MAST4: variants seen among roughly 807,000 people sequenced by gnomAD.
MAST4 encodes microtubule associated serine/threonine kinase family member 4.
In MAST4, 89 loss-of-function variants were observed where a neutral mutation model predicts 162.7. That is an observed-to-expected ratio of 0.55 (90% CI 0.46 to 0.65). The LOEUF (loss-of-function observed/expected upper bound fraction) is 0.65. Ranked by LOEUF, MAST4 falls within the 30% of genes least tolerant of loss-of-function variation. The pLI, the probability that MAST4 is intolerant of heterozygous loss-of-function variation, is 0.00. For missense variants in MAST4, 3,153 were observed against 3,374.0 expected (o/e 0.93, Z 1.62); for synonymous variants, 1,479 against 1,361.1 (o/e 1.09, Z -1.91).
intron 1 of MAST4, among the ~76,000 whole-genome samples, chr5:66,641,938 G>T (rs934591685): frequency 6.6e-6 from 1 of 152,044 alleles, no homozygotes; most frequent in Non-Finnish European, 1.5e-5. Flanking sequence ...TTGCACCTCC[G>T]GATGATGAAT....
intron 1 of MAST4, among the ~76,000 whole-genome samples, chr5:66,676,879 A>G (rs1436262429): frequency 1.3e-5 from 2 of 152,266 alleles, no homozygotes; most frequent in African/African-American, 2.4e-5. Context: ...ACTTTAAAAG[A>G]TATAAACAAG....
At chr5:66,606,647 C>T (rs796125397) in intron 1 of MAST4, among the ~76,000 whole-genome samples, 11 of 152,268 alleles carry the variant, frequency 7.2e-5, no homozygotes, top group African/African-American at 2.6e-4. Flanking sequence ...ACAGCCTTTT[C>T]TCATATTGCC....
At chr5:66,724,818 G>A (rs1002464321) in intron 1 of MAST4, among the ~76,000 whole-genome samples, 3 of 151,978 alleles carry the variant, frequency 2.0e-5, no homozygotes, top group Non-Finnish European at 2.9e-5. Context: ...TATAATATAT[G>A]TGGGCTGTGG....
intron 1 of MAST4, among the ~76,000 whole-genome samples, chr5:66,702,167 C>T (rs1749821920): frequency 1.3e-5 from 2 of 152,302 alleles, no homozygotes; most frequent in African/African-American, 4.8e-5. Context: ...ATGGGAGCAT[C>T]GGCTGCTGGA....
chr5:66,771,003 C>G (rs1455789394), intron 2 of MAST4, among the ~76,000 whole-genome samples: 1 of 152,130 alleles, frequency 6.6e-6, no homozygotes, highest in Admixed American at 6.5e-5. Flanking sequence ...AAACCATTAT[C>G]AGCTGCAAAA....
intron 4 of MAST4, among the ~76,000 whole-genome samples, chr5:67,037,771 GACA>G (rs1756200911): frequency 6.6e-6 from 1 of 152,040 alleles, no homozygotes; most frequent in Admixed American, 6.6e-5. Context: ...TCAAGGCTTT[GACA>G]ACAAGAGCCA....
At chr5:66,953,427 T>C (rs1239024584) in intron 4 of MAST4, among the ~76,000 whole-genome samples, 4 of 152,120 alleles carry the variant, frequency 2.6e-5, no homozygotes, top group Admixed American at 2.6e-4. Context: ...TAAGCAGTGG[T>C]GAAGCTTATT....
intron 1 of MAST4, among the ~76,000 whole-genome samples, chr5:66,726,285 G>T (rs954523995): frequency 3.3e-5 from 5 of 152,048 alleles, no homozygotes; most frequent in Admixed American, 6.6e-5. Context: ...GGGGGCAGGA[G>T]AGCAGAGAGA....
chr5:66,856,811 A>G (rs1759719078), intron 3 of MAST4, among the ~76,000 whole-genome samples: 1 of 152,350 alleles, frequency 6.6e-6, no homozygotes, highest in South Asian at 2.1e-4. Flanking sequence ...ATTGACCTGG[A>G]CAAGAATTAT....
At chr5:67,025,651 T>C (rs936920309) in intron 4 of MAST4, among the ~76,000 whole-genome samples, 2 of 152,266 alleles carry the variant, frequency 1.3e-5, no homozygotes, top group East Asian at 3.9e-4. Context: ...GGGGATGTTA[T>C]ACAAAAAAAG....
chr5:67,057,158 A>G (rs1189212987), intron 5 of MAST4, among the ~76,000 whole-genome samples: 2 of 152,186 alleles, frequency 1.3e-5, no homozygotes, highest in Non-Finnish European at 2.9e-5. Context: ...AATACGATAC[A>G]GGACCAGGCC....
At chr5:66,683,469 C>T (rs1748454037) in intron 1 of MAST4, among the ~76,000 whole-genome samples, 1 of 152,176 alleles carries the variant, frequency 6.6e-6, no homozygotes, top group South Asian at 2.1e-4. Context: ...CTCCATAGTG[C>T]TGTTTTTACA....
intron 5 of MAST4, among the ~76,000 whole-genome samples, chr5:67,069,848 G>A (rs1760719924): frequency 6.6e-6 from 1 of 150,784 alleles, no homozygotes; most frequent in African/African-American, 2.4e-5. Flanking sequence ...AGTGTCTGAA[G>A]GAATGAACGT....
At chr5:67,071,747 G>A (rs960139617) in intron 5 of MAST4, among the ~76,000 whole-genome samples, 3 of 152,230 alleles carry the variant, frequency 2.0e-5, no homozygotes, top group East Asian at 3.9e-4. Context: ...GCGACAGAGC[G>A]AGACTTCATC....
intron 3 of MAST4, among the ~76,000 whole-genome samples, chr5:66,840,817 A>G (rs1326686700): frequency 6.6e-6 from 1 of 152,182 alleles, no homozygotes; most frequent in Non-Finnish European, 1.5e-5. Flanking sequence ...CCTGGAGTCA[A>G]GACCAACAGA....
intron 13 of MAST4, 61 bp downstream of exon 13, chr5:67,118,810 G>C: frequency 1.0e-6 from 1 of 956,520 alleles, no homozygotes; most frequent in Non-Finnish European, 1.6e-6. Flanking sequence ...TGGAGACTTT[G>C]GCTATGTTAG....
At chr5:66,683,056 G>T (rs111532205) in intron 1 of MAST4, among the ~76,000 whole-genome samples, 522 of 152,294 alleles carry the variant, frequency 3.4e-3, no homozygotes, top group Non-Finnish European at 5.4e-3. Flanking sequence ...TACACCCAGG[G>T]CCTCCCTCCA....
At chr5:66,852,615 G>A (rs1278271672) in intron 3 of MAST4, among the ~76,000 whole-genome samples, 2 of 152,146 alleles carry the variant, frequency 1.3e-5, no homozygotes, top group African/African-American at 4.8e-5. Context: ...GGGAGAAGTT[G>A]GGCTGGATTT....
chr5:66,685,634 G>C (rs1178946896), intron 1 of MAST4, among the ~76,000 whole-genome samples: 1 of 152,098 alleles, frequency 6.6e-6, no homozygotes, highest in Non-Finnish European at 1.5e-5. Context: ...AAACAACTAG[G>C]TTCACTATAA....
Sources: gnomAD v4.1 joint callset for allele counts (sites outside exome capture counted in the v4.1 genomes callset) on GRCh38, gnomAD v4.1.1 for gene constraint, MANE v1.5 for transcripts, NCBI Gene and HGNC (gene_info 2026-07-23, HGNC 2026-07-21) for gene names.